HTR7: variants seen among roughly 807,000 people sequenced by gnomAD.
HTR7 encodes 5-hydroxytryptamine receptor 7.
In HTR7, 16 loss-of-function variants were observed where a neutral mutation model predicts 34.0. That is an observed-to-expected ratio of 0.47 (90% CI 0.32 to 0.71). HTR7 has a LOEUF of 0.71. Ranked by LOEUF, HTR7 falls within the 30% of genes least tolerant of loss-of-function variation. The pLI is 0.04. For synonymous variants in HTR7, 265 were observed against 260.2 expected (o/e 1.02, Z -0.18); for missense variants, 504 against 625.5 (o/e 0.81, Z 2.07).
In HTR7 at chr10:90,837,426, A is replaced by T. The variant is rs542144393; in HGVS notation, c.539+19707T>A. On this transcript the variant is annotated intron_variant, in intron 1 of 3. Transcript: ENST00000336152. ...TTGGAAACTTAATCCCTCTGCCTTC[A>T]TGAATGGATTAATGTCACTACCATG... Among the ~76,000 whole-genome samples the T allele has an allele frequency of 2.2e-4, 34 of 152,314 alleles. 1 individual carries two copies. The highest frequency in any genetic ancestry group is 7.5e-4 in the African/African-American group (31 of 41,564).
chr10:90,754,465 C>G (rs1163442159), intron 1 of HTR7, among the ~76,000 whole-genome samples: 1 of 151,952 alleles, frequency 6.6e-6, no homozygotes, highest in Admixed American at 6.6e-5. Flanking sequence ...TTTAATCACA[C>G]TAACATTTTA....
Position 90,816,404 on chromosome 10 carries a change from G to A in HTR7, c.539+40729C>T, listed in dbSNP as rs539281658. On this transcript the variant is annotated intron_variant, in intron 1 of 3. Coordinates refer to ENST00000336152, the MANE Select transcript of HTR7 (RefSeq NM_019859.4). ...CTTTTTAGTAAAAAAGGAGAGATTA[G>A]AGAGAGAGAAATTCTATTTCAAAGG... Among the ~76,000 whole-genome samples the A allele has an allele frequency of 1.4e-3, 206 of 152,262 alleles. 1 individual carries two copies. The highest frequency in any genetic ancestry group is 4.7e-3 in the African/African-American group (196 of 41,530).
At chr10:90,785,429 C>T (rs781147103) in intron 1 of HTR7, among the ~76,000 whole-genome samples, 6 of 151,888 alleles carry the variant, frequency 4.0e-5, no homozygotes, top group South Asian at 2.1e-4. Flanking sequence ...TCGGTGAAAG[C>T]GAAGTAGAGT....
intron 1 of HTR7, among the ~76,000 whole-genome samples, chr10:90,827,423 A>G (rs7087400): frequency 0.38 from 57,608 of 152,044 alleles, 11,996 homozygotes; most frequent in African/African-American, 0.57. Context: ...AAAAAAGACA[A>G]AGTGGCTGAA....
Position 90,802,865 on chromosome 10 carries a change from T to C in HTR7, c.540-53271A>G, listed in dbSNP as rs78907404. On this transcript the variant is annotated intron_variant, in intron 1 of 3. Transcript: ENST00000336152. Reference sequence around the variant, plus strand: ...CCTTTTCCCTTCCATGGACAGCTTTTGATTTCCTGTCTTCCATCTGTGGGG... The same window carrying C: ...CCTTTTCCCTTCCATGGACAGCTTTCGATTTCCTGTCTTCCATCTGTGGGG... Among the ~76,000 whole-genome samples the C allele has an allele frequency of 1.1e-3, 174 of 152,312 alleles. 1 individual carries two copies. In the East Asian group the frequency reaches 0.029, roughly 26 times the overall value.
chr10:90,822,604 G>A (rs1846001908), intron 1 of HTR7, among the ~76,000 whole-genome samples: 1 of 152,254 alleles, frequency 6.6e-6, no homozygotes, highest in South Asian at 2.1e-4. Flanking sequence ...TTTCAGGGAA[G>A]GAATTTGAGT....
At chr10:90,805,866 T>G (rs954533244) in intron 1 of HTR7, among the ~76,000 whole-genome samples, 1 of 152,220 alleles carries the variant, frequency 6.6e-6, no homozygotes. Context: ...CTAGCCCAAA[T>G]GCCTGTTAGC....
At chr10:90,843,933 T>C (rs1846369560) in intron 1 of HTR7, among the ~76,000 whole-genome samples, 1 of 152,228 alleles carries the variant, frequency 6.6e-6, no homozygotes, top group Admixed American at 6.5e-5. Flanking sequence ...CAAATTCAGT[T>C]TTCTGTATCC....
At chr10:90,838,571 A>T (rs1250555138) in intron 1 of HTR7, among the ~76,000 whole-genome samples, 1 of 152,222 alleles carries the variant, frequency 6.6e-6, no homozygotes, top group Non-Finnish European at 1.5e-5. Context: ...TATGTTTCAA[A>T]GTCTCCAGTG....
At chr10:90,777,497 A>G (rs1845237924) in intron 1 of HTR7, among the ~76,000 whole-genome samples, 3 of 151,986 alleles carry the variant, frequency 2.0e-5, no homozygotes, top group Admixed American at 2.0e-4. Flanking sequence ...AAAAAAAAAA[A>G]AAAGATGCCT....
In HTR7 at chr10:90,857,921, C is replaced by T. The variant is rs1190190323; in HGVS notation, c.-250G>A. On this transcript the variant is annotated 5_prime_UTR_variant, in exon 1 of 4. Transcript: ENST00000336152. This position sits in a 1 kb window ranked among gnomAD's most constrained non-coding sequence, Gnocchi z 6.5. ...AGGCGCTTCGGCCCCCGACGGACGCCTGGGACGCGCGGAGTCGAGGGAGCT... is the reference window on the plus strand; with the variant it reads ...AGGCGCTTCGGCCCCCGACGGACGCTTGGGACGCGCGGAGTCGAGGGAGCT... 1.3e-5 allele frequency among the ~76,000 whole-genome samples: 2 copies of T among 151,312 alleles called. No individual in the cohort carries two copies. The highest frequency in any genetic ancestry group is 3.0e-5 in the Non-Finnish European group (2 of 67,712).
intron 1 of HTR7, among the ~76,000 whole-genome samples, chr10:90,803,610 A>G (rs1395336904): frequency 6.6e-6 from 1 of 152,106 alleles, no homozygotes; most frequent in African/African-American, 2.4e-5. Flanking sequence ...TCTGGCTATG[A>G]CCAATTATTA....
rs184981419 is a variant in HTR7, at chr10:90,804,481, C to A, written c.539+52652G>T. Among the ~76,000 whole-genome samples the A allele has an allele frequency of 1.4e-4, 21 of 152,282 alleles. No homozygotes were observed. The East Asian group carries it at 3.7e-3, about 27-fold the overall frequency. On this transcript the variant is annotated intron_variant, in intron 1 of 3. Coordinates refer to ENST00000336152, the MANE Select transcript of HTR7 (RefSeq NM_019859.4). ...TGCCATGGGCTGGTACGGGTTCATT[C>A]CTGCCAGCGCCTAAAGGCACTCCCC... is the stretch of plus-strand genomic sequence containing the variant.
chr10:90,806,298 T>G (rs979723245), intron 1 of HTR7, among the ~76,000 whole-genome samples: 5 of 152,150 alleles, frequency 3.3e-5, no homozygotes, highest in African/African-American at 1.2e-4. Flanking sequence ...AGCTGTGCTG[T>G]ATTAAGTTCC....
In HTR7 at chr10:90,743,786, T is replaced by TTATATTACCAATCTGTGA. The variant is rs1844591531; in HGVS notation, c.1296-114_1296-97dup. ...TTATATTTCATTATCATATTTGGTT[T>TTATATTACCAATCTGTGA]TATATTACCAATCTGTGAATACTTG... On this transcript the variant is annotated intron_variant, in intron 2 of 3. Transcript: ENST00000336152. 38 of 950,632 alleles carry TTATATTACCAATCTGTGA rather than the reference T, an allele frequency of 4.0e-5. No homozygotes were observed. The South Asian group carries it at 4.9e-4, about 12-fold the overall frequency. The allele number at this position is 950,632 out of a possible 1,614,324, so 58.9% of individuals were successfully genotyped here.
Position 90,857,690 on chromosome 10 carries a change from T to G in HTR7, c.-19A>C, listed in dbSNP as rs1308050096. Reference sequence around the variant, plus strand: ...CCATCATCGCGCCGCCGTGTGCCGCTGCCCATGGAGCCGGCGCCCCGGCCA... The same window carrying G: ...CCATCATCGCGCCGCCGTGTGCCGCGGCCCATGGAGCCGGCGCCCCGGCCA... On this transcript the variant is annotated 5_prime_UTR_variant, in exon 1 of 4. Transcript: ENST00000336152. The surrounding 1 kb of genome is among the most constrained non-coding windows in gnomAD (Gnocchi z 6.5). The G allele has an allele frequency of 4.0e-6, 6 of 1,506,518 alleles. No individual in the cohort carries two copies. Among genetic ancestry groups the G allele is most frequent in the Non-Finnish European group, 5.3e-6 (6 of 1,140,800 alleles). The allele number at this position is 1,506,518 out of a possible 1,614,324, so 93.3% of individuals were successfully genotyped here. A position where few individuals can be genotyped will look rare whatever the true frequency, so the allele number is the denominator to read the frequency against.
At chr10:90,764,667 C>G (rs1844993380) in intron 1 of HTR7, among the ~76,000 whole-genome samples, 1 of 151,828 alleles carries the variant, frequency 6.6e-6, no homozygotes, top group Admixed American at 6.6e-5. Flanking sequence ...ATTTCTTTTT[C>G]TTGCCTAATT....
chr10:90,844,438 C>G (rs915211015), intron 1 of HTR7, among the ~76,000 whole-genome samples: 1 of 151,978 alleles, frequency 6.6e-6, no homozygotes, highest in Admixed American at 6.6e-5. Context: ...TTTTAAAGAT[C>G]AGTCTGGCCG....
intron 1 of HTR7, among the ~76,000 whole-genome samples, chr10:90,774,450 C>T (rs189970350): frequency 5.0e-4 from 76 of 152,224 alleles, no homozygotes; most frequent in African/African-American, 1.8e-3. Flanking sequence ...ACAATAGTAC[C>T]TCTTATTATG....
Sources: gnomAD v4.1 joint callset for allele counts (sites outside exome capture counted in the v4.1 genomes callset) on GRCh38, gnomAD v4.1.1 for gene constraint, Gnocchi (gnomAD v3.1) non-coding constraint, MANE v1.5 for transcripts, NCBI Gene and HGNC (gene_info 2026-07-23, HGNC 2026-07-21) for gene names.